Variants in DAPL1 observed in about 807,000 individuals in gnomAD.
DAPL1 encodes the protein death associated protein like 1, also known as death-associated protein-like 1.
A neutral mutation model predicts 12.9 loss-of-function variants in DAPL1; 17 were observed. The ratio of observed to expected loss-of-function variants is 1.32; its 90% CI spans 0.90 to 1.98. DAPL1 has a LOEUF of 1.98. Among genes scored for constraint, DAPL1 ranks in the 30% most tolerant of loss-of-function variants. The pLI is 0.00. For synonymous variants in DAPL1, 51 were observed against 42.0 expected, an observed-to-expected ratio of 1.21 and a Z score of -0.82; for missense variants, 157 against 125.7, an observed-to-expected ratio of 1.25 and a Z score of -1.19.
At chr2:158,800,075 A>AG (rs1326481533) in intron 1 of DAPL1, among the ~76,000 whole-genome samples, 2 of 129,732 alleles carry the variant, frequency 1.5e-5, no homozygotes, top group African/African-American at 6.1e-5. Context: ...AAAAAAAAAA[A>AG]AAAAAATTTG....
Position 158,795,351 on chromosome 2 carries a change from G to A in DAPL1, c.-22G>A, listed in dbSNP as rs748143943. On this transcript the variant is annotated 5_prime_UTR_variant, in exon 1 of 4. Coordinates refer to ENST00000309950, the MANE Select transcript of DAPL1 (RefSeq NM_001017920.3). ...ATTCAGCCTCCAGAGCACCAGCACTGGCACTGGCACTGGCACACGCTATGG... is the reference window on the plus strand; with the variant it reads ...ATTCAGCCTCCAGAGCACCAGCACTAGCACTGGCACTGGCACACGCTATGG... The A allele has an allele frequency of 1.1e-5, 17 of 1,552,206 alleles. No homozygotes were observed.
chr2:158,797,592 G>T (rs541490144), intron 1 of DAPL1, among the ~76,000 whole-genome samples: 148 of 152,280 alleles, frequency 9.7e-4, no homozygotes, highest in African/African-American at 3.5e-3. Context: ...AGGAGTTCAA[G>T]ACCAGCCTGG....
At chr2:158,800,992 G>C (rs762239300) in intron 1 of DAPL1, among the ~76,000 whole-genome samples, 1 of 152,122 alleles carries the variant, frequency 6.6e-6, no homozygotes, top group South Asian at 2.1e-4. Context: ...ACCGGCAATC[G>C]CCACCACACC....
intron 1 of DAPL1, among the ~76,000 whole-genome samples, chr2:158,801,615 A>G (rs2059168529): frequency 6.6e-6 from 1 of 152,210 alleles, no homozygotes; most frequent in African/African-American, 2.4e-5. Context: ...CAGATAATGT[A>G]TAAAGATAGC....
chr2:158,801,505 T>C (rs181735261), intron 1 of DAPL1, among the ~76,000 whole-genome samples: 139 of 152,346 alleles, frequency 9.1e-4, no homozygotes, highest in Admixed American at 3.5e-3. Flanking sequence ...AATGTTTCCC[T>C]ATAATTTCAT....
chr2:158,812,537 G>A (rs2059236401), intron 3 of DAPL1, among the ~76,000 whole-genome samples: 4 of 152,056 alleles, frequency 2.6e-5, no homozygotes, highest in East Asian at 1.9e-4. Context: ...CTCATAACTA[G>A]AATCCTAGCA....
At chr2:158,810,817 T>G (rs982387685) in intron 3 of DAPL1, among the ~76,000 whole-genome samples, 1 of 152,218 alleles carries the variant, frequency 6.6e-6, no homozygotes, top group Non-Finnish European at 1.5e-5. Context: ...ACAGGCTGTG[T>G]AGCCCAAAAG....
intron 1 of DAPL1, among the ~76,000 whole-genome samples, chr2:158,796,421 G>A (rs2059134994): frequency 6.6e-6 from 1 of 152,150 alleles, no homozygotes; most frequent in African/African-American, 2.4e-5. Flanking sequence ...AAAGAGTCCA[G>A]ATTTTACTAC....
chr2:158,800,695 C>T (rs771284424), intron 1 of DAPL1, among the ~76,000 whole-genome samples: 42 of 152,176 alleles, frequency 2.8e-4, no homozygotes, highest in Non-Finnish European at 5.4e-4. Context: ...TAAGTTCTCT[C>T]GCTTTGCTTC....
intron 3 of DAPL1, among the ~76,000 whole-genome samples, chr2:158,814,348 T>C (rs2059248747): frequency 6.6e-6 from 1 of 152,180 alleles, no homozygotes; most frequent in Non-Finnish European, 1.5e-5. Context: ...GATCAATATC[T>C]CAATTGTGTT....
At chr2:158,802,489 A>C (rs2059173631) in intron 1 of DAPL1, among the ~76,000 whole-genome samples, 1 of 152,220 alleles carries the variant, frequency 6.6e-6, no homozygotes. Context: ...GAAAGTCCAG[A>C]TGGGCCAATA....
intron 3 of DAPL1, 130 bp downstream of exon 3, chr2:158,807,245 T>C: frequency 3.7e-6 from 2 of 541,002 alleles, no homozygotes; most frequent in Non-Finnish European, 6.3e-6. Flanking sequence ...TGAAAGAATT[T>C]GTTCTCTGTC....
chr2:158,804,785 T>C (rs563903426), intron 2 of DAPL1, among the ~76,000 whole-genome samples: 1 of 152,370 alleles, frequency 6.6e-6, no homozygotes, highest in African/African-American at 2.4e-5. Flanking sequence ...TAAAAATAAA[T>C]GTCTTTTTTG....
At chr2:158,813,439 C>T (rs781340198) in intron 3 of DAPL1, among the ~76,000 whole-genome samples, 34 of 152,052 alleles carry the variant, frequency 2.2e-4, no homozygotes, top group Admixed American at 7.2e-4. Context: ...TATGCCCAAA[C>T]GATGTAGCCT....
At chr2:158,807,018 T>A (rs751285800) in intron 2 of DAPL1, 37 bp from the exon 3 acceptor site, 13 of 1,584,296 alleles carry the variant, frequency 8.2e-6, no homozygotes, top group Admixed American at 1.7e-5. Context: ...GGGAAAATTT[T>A]TTAAGTCCTG....
At chr2:158,795,473 C>T (rs1400419559) in intron 1 of DAPL1, 43 bp downstream of exon 1, 26 of 1,540,268 alleles carry the variant, frequency 1.7e-5, no homozygotes, top group Non-Finnish European at 2.2e-5. Flanking sequence ...TGTTGCTGCT[C>T]CCCTCTTCCA....
intron 1 of DAPL1, among the ~76,000 whole-genome samples, chr2:158,799,525 C>T (rs921448007): frequency 8.6e-5 from 13 of 152,016 alleles, no homozygotes; most frequent in Admixed American, 6.6e-5. Flanking sequence ...TCATTGTGAT[C>T]AGTGTTCCCA....
intron 1 of DAPL1, among the ~76,000 whole-genome samples, chr2:158,803,110 A>C (rs748242335): frequency 1.3e-5 from 2 of 152,256 alleles, no homozygotes; most frequent in Non-Finnish European, 2.9e-5. Flanking sequence ...ACCTTAGGCT[A>C]CCATTTTATA....
rs184790656 is a variant in DAPL1, at chr2:158,804,414, T to A, written c.146+45T>A. On this transcript the variant is annotated intron_variant, in intron 2 of 3. Transcript: ENST00000309950. ...CTCCATCACCTTGAGGAGTTTTGAGTGACTCTGCCTCCAGGAGTTATTTTA... is the reference window on the plus strand; with the variant it reads ...CTCCATCACCTTGAGGAGTTTTGAGAGACTCTGCCTCCAGGAGTTATTTTA... 7.6e-5 allele frequency: 105 copies of A among 1,388,280 alleles called. No individual in the cohort carries two copies. The East Asian group carries it at 2.1e-3, about 28-fold the overall frequency. The allele number at this position is 1,388,280 out of a possible 1,614,324, so 86.0% of individuals were successfully genotyped here. A position where few individuals can be genotyped will look rare whatever the true frequency, so the allele number is the denominator to read the frequency against.
Sources: gnomAD v4.1 joint callset for allele counts (sites outside exome capture counted in the v4.1 genomes callset) on GRCh38, gnomAD v4.1.1 for gene constraint, MANE v1.5 for transcripts, NCBI Gene and HGNC (gene_info 2026-07-23, HGNC 2026-07-21) for gene names.